The following CDKN2B-AS1 variants were observed in gnomAD, a reference collection of about 807,000 sequenced individuals.
CDKN2B-AS1 encodes the protein CDKN2B and CDKN2A antisense cis and trans regulatory RNA 1.
In CDKN2B-AS1 at chr9:22,001,352, AT is replaced by A. The variant is rs1413171231; in HGVS notation, n.29+6193del. Among the ~76,000 whole-genome samples, 1 of 152,116 alleles carries A rather than the reference AT, an allele frequency of 6.6e-6. No homozygotes were observed. The highest frequency in any genetic ancestry group is 2.4e-5 in the African/African-American group (1 of 41,440). On this transcript the variant is annotated intron_variant and non_coding_transcript_variant, in intron 1 of 4. Coordinates refer to ENST00000650946, the Ensembl canonical transcript of CDKN2B-AS1. This position sits in a 1 kb window ranked among gnomAD's most constrained non-coding sequence, Gnocchi z 4.2. ...CCAGGGGCTTCTGAGTGTGAAGTGG[AT>A]TAATAGGTGTTTGGGGTCCTTTGTA...
intron 4 of CDKN2B-AS1, among the ~76,000 whole-genome samples, chr9:22,081,071 G>A (rs1824676011): frequency 6.6e-6 from 1 of 151,966 alleles, no homozygotes. Context: ...TCTGTTCTAT[G>A]CTTTAAATAA....
intron 4 of CDKN2B-AS1, among the ~76,000 whole-genome samples, chr9:22,057,994 G>A (rs1312995846): frequency 2.1e-5 from 3 of 144,008 alleles, no homozygotes; most frequent in Non-Finnish European, 3.0e-5. Context: ...GTGGGCACCT[G>A]TAATCCCAGC....
chr9:22,012,356 C>T, intron 1 of CDKN2B-AS1: 2 of 1,153,902 alleles, frequency 1.7e-6, no homozygotes, highest in Non-Finnish European at 2.6e-6. Flanking sequence ...GCCCACCCCG[C>T]ACCTGGTGCT....
At chr9:22,079,713 CA>C (rs1209764502) in intron 4 of CDKN2B-AS1, among the ~76,000 whole-genome samples, 1 of 151,040 alleles carries the variant, frequency 6.6e-6, no homozygotes, top group African/African-American at 2.5e-5. Context: ...GACTTTACTC[CA>C]GATTTTCTTA....
At chr9:22,121,370 T>TA (rs66653240) in intron 4 of CDKN2B-AS1, among the ~76,000 whole-genome samples, 78,213 of 150,592 alleles carry the variant, frequency 0.52, 20,270 homozygotes, top group Middle Eastern at 0.68. Flanking sequence ...CTTTTAAAAC[T>TA]AAAAAAAAAC....
At chr9:22,041,897 C>T (rs575851482) in intron 1 of CDKN2B-AS1, among the ~76,000 whole-genome samples, 1 of 152,130 alleles carries the variant, frequency 6.6e-6, no homozygotes, top group Admixed American at 6.6e-5. Context: ...GTTCATATTT[C>T]TCAACATACC....
intron 1 of CDKN2B-AS1, among the ~76,000 whole-genome samples, chr9:22,025,577 T>C (rs1195566177): frequency 6.6e-6 from 1 of 152,162 alleles, no homozygotes; most frequent in African/African-American, 2.4e-5. Flanking sequence ...CACTTTTCCA[T>C]AGGGCTGCTG....
rs533525647 is a variant in CDKN2B-AS1, at chr9:22,062,751, A to G, written n.438+6364A>G. ...ACCTACCAGTTGGGTAATATTGTGTAGTTTTTTTTTTAAACCTTTCTCAGC... is the reference window on the plus strand; with the variant it reads ...ACCTACCAGTTGGGTAATATTGTGTGGTTTTTTTTTTAAACCTTTCTCAGC... On this transcript the variant is annotated intron_variant and non_coding_transcript_variant, in intron 4 of 4. Coordinates refer to ENST00000650946, the Ensembl canonical transcript of CDKN2B-AS1. 4.0e-5 allele frequency among the ~76,000 whole-genome samples: 6 copies of G among 151,266 alleles called. No individual in the cohort carries two copies. In the South Asian group the frequency reaches 6.3e-4, roughly 16 times the overall value.
chr9:22,053,393 G>C (rs1207000934), intron 3 of CDKN2B-AS1, among the ~76,000 whole-genome samples: 1 of 152,170 alleles, frequency 6.6e-6, no homozygotes, highest in Non-Finnish European at 1.5e-5. Flanking sequence ...TCAGAAGAGG[G>C]GATGAAGAAA....
At chr9:22,042,682 TCAGACCCAA>T (rs1479044129) in intron 1 of CDKN2B-AS1, among the ~76,000 whole-genome samples, 18 of 152,216 alleles carry the variant, frequency 1.2e-4, no homozygotes, top group Admixed American at 5.2e-4. Flanking sequence ...TCACAAGTAC[TCAGACCCAA>T]CAGTAAGATT....
At chr9:22,033,709 G>C (rs1396333752) in intron 1 of CDKN2B-AS1, among the ~76,000 whole-genome samples, 13 of 152,264 alleles carry the variant, frequency 8.5e-5, no homozygotes, top group Non-Finnish European at 1.9e-4. Flanking sequence ...GATGCCACTT[G>C]CTCCAACAAT....
At chr9:22,018,872 T>G (rs1821900428) in intron 1 of CDKN2B-AS1, among the ~76,000 whole-genome samples, 2 of 152,212 alleles carry the variant, frequency 1.3e-5, no homozygotes. Flanking sequence ...GTACAGGTGA[T>G]AAACAATTCA....
chr9:21,998,915 CA>C (rs1307441364), intron 1 of CDKN2B-AS1, among the ~76,000 whole-genome samples: 28 of 151,868 alleles, frequency 1.8e-4, no homozygotes, highest in Middle Eastern at 3.4e-3. Context: ...TCATATATGT[CA>C]AAAGATTAAT....
chr9:22,024,293 G>C (rs1435691956), intron 1 of CDKN2B-AS1, among the ~76,000 whole-genome samples: 1 of 152,168 alleles, frequency 6.6e-6, no homozygotes, highest in Admixed American at 6.5e-5. Context: ...CTGGTTCCTC[G>C]AGGTTTGGAG....
intron 4 of CDKN2B-AS1, among the ~76,000 whole-genome samples, chr9:22,083,445 G>A (rs1361576134): frequency 6.6e-6 from 1 of 152,130 alleles, no homozygotes; most frequent in Non-Finnish European, 1.5e-5. Flanking sequence ...TATGAGATAT[G>A]GTAAGAAGGT....
chr9:22,035,480 A>G (rs555567657), intron 1 of CDKN2B-AS1, among the ~76,000 whole-genome samples: 4 of 152,274 alleles, frequency 2.6e-5, no homozygotes, highest in Admixed American at 6.5e-5. Context: ...TCTCACCTAT[A>G]CCCATGGCAG....
rs186237298 is a variant in CDKN2B-AS1 at position 22,105,048 on chromosome 9, T to G, written n.439-22055T>G. ...AATACTCAGCCTTAGGTATTCTGACTAGAAGCTTGGGTCCTTAACCACCTA... is the reference window on the plus strand; with the variant it reads ...AATACTCAGCCTTAGGTATTCTGACGAGAAGCTTGGGTCCTTAACCACCTA... On this transcript the variant is annotated intron_variant and non_coding_transcript_variant, in intron 4 of 4. Coordinates refer to ENST00000650946, the Ensembl canonical transcript of CDKN2B-AS1. Among the ~76,000 whole-genome samples, 24 of 152,304 alleles carry G rather than the reference T, an allele frequency of 1.6e-4. 1 individual carries two copies. Among genetic ancestry groups the G allele is most frequent in the Non-Finnish European group, 2.9e-5 (2 of 68,032 alleles).
intron 4 of CDKN2B-AS1, chr9:22,096,466 G>A (rs898874232): frequency 1.3e-5 from 2 of 152,188 alleles, no homozygotes; most frequent in Non-Finnish European, 2.9e-5. Context: ...AACGCACTAT[G>A]GTATGGAAGG....
chr9:22,041,410 C>G (rs1822890646), intron 1 of CDKN2B-AS1, among the ~76,000 whole-genome samples: 1 of 152,024 alleles, frequency 6.6e-6, no homozygotes, highest in Non-Finnish European at 1.5e-5. Flanking sequence ...CCAATCAACC[C>G]TAGCTTATTT....
Sources: gnomAD v4.1 joint callset for allele counts (sites outside exome capture counted in the v4.1 genomes callset) on GRCh38, gnomAD v4.1.1 for gene constraint, Gnocchi (gnomAD v3.1) non-coding constraint, MANE v1.5 for transcripts, NCBI Gene and HGNC (gene_info 2026-07-23, HGNC 2026-07-21) for gene names.